The following AMZ2 variants were observed in gnomAD, a reference collection of about 807,000 sequenced individuals.
AMZ2 encodes the protein archaemetzincin-2.
Under a neutral mutation model 36.7 loss-of-function variants are expected in AMZ2, and 26 were observed. That is an observed-to-expected ratio of 0.71 (90% CI 0.52 to 0.98). AMZ2 has a LOEUF of 0.98. Among genes scored for constraint, AMZ2 ranks in the 50% least tolerant of loss-of-function variants. The probability of loss-of-function intolerance (pLI) is 0.00; values close to 1 mark genes in which losing one functional copy is unlikely to be tolerated. For synonymous variants in AMZ2, 144 were observed against 149.1 expected, an observed-to-expected ratio of 0.97 and a Z score of 0.25; for missense variants, 394 against 430.5, an observed-to-expected ratio of 0.92 and a Z score of 0.75.
chr17:68,206,463 A>G, intron 1 of AMZ2: 1 of 203,792 alleles, frequency 4.9e-6, no homozygotes. Context: ...TTTGCAGGCT[A>G]CACTCGCTCG....
chr17:68,225,181 ACT>A (rs2073483282), intron 1 of AMZ2, among the ~76,000 whole-genome samples: 1 of 151,126 alleles, frequency 6.6e-6, no homozygotes, highest in Non-Finnish European at 1.5e-5. Flanking sequence ...GAAAGGTGAC[ACT>A]CTGTCTTAAA....
chr17:68,221,207 G>GCCC (rs1284093591), intron 1 of AMZ2, among the ~76,000 whole-genome samples: 9 of 16,912 alleles, frequency 5.3e-4, no homozygotes, highest in African/African-American at 8.9e-4. Flanking sequence ...TCAGCCCTCA[G>GCCC]CTCCCCCCCC....
chr17:68,220,610 A>C (rs1317345904), intron 1 of AMZ2, among the ~76,000 whole-genome samples: 1 of 152,090 alleles, frequency 6.6e-6, no homozygotes, highest in African/African-American at 2.4e-5. Context: ...TGATCCACTT[A>C]TGGAGTTGAA....
At chr17:68,232,089 T>A (rs2073677502) in intron 1 of AMZ2, among the ~76,000 whole-genome samples, 1 of 146,102 alleles carries the variant, frequency 6.8e-6, no homozygotes, top group Non-Finnish European at 1.5e-5. Flanking sequence ...GAATGTGTTC[T>A]TTAGCAAGAC....
chr17:68,221,222 C>CCCCCCCCCCCCCCA (rs2073356037), intron 1 of AMZ2, among the ~76,000 whole-genome samples: 2 of 85,588 alleles, frequency 2.3e-5, no homozygotes, highest in African/African-American at 4.9e-5. Flanking sequence ...CCCCCCCGCC[C>CCCCCCCCCCCCCCA]CCCCGGTAGC....
intron 1 of AMZ2, among the ~76,000 whole-genome samples, chr17:68,208,523 T>G (rs1419605714): frequency 1.3e-5 from 2 of 152,198 alleles, no homozygotes; most frequent in East Asian, 3.9e-4. Flanking sequence ...AAGAGACCAC[T>G]CGGCTCTCTG....
Position 68,255,797 on chromosome 17 carries a change from G to T in AMZ2, c.848G>T (p.Arg283Leu), listed in dbSNP as rs372712125. ...QGSNHLEEAD[R>L]RPLNLCPICL... is the part of the protein sequence containing the mutation. ...TCCAACCACTTGGAAGAAGCTGACC[G>T]GCGCCCTCTAAACCTTTGCCCTATC... Residue 283 changes from arginine (R) to leucine (L), a missense_variant, in exon 6 of 7, where the codon CGG (arginine) becomes CTG (leucine). Arg to Leu is a moderately radical substitution (Grantham distance 102). Coordinates refer to ENST00000359904, the MANE Select transcript of AMZ2 (RefSeq NM_016627.5). 1.2e-6 allele frequency: 2 copies of T among 1,614,064 alleles called. No homozygotes were observed. The highest frequency in any genetic ancestry group is 8.5e-7 in the Non-Finnish European group (1 of 1,180,032).
At chr17:68,222,397 G>A (rs1227866708) in intron 1 of AMZ2, among the ~76,000 whole-genome samples, 2 of 152,240 alleles carry the variant, frequency 1.3e-5, no homozygotes, top group Admixed American at 1.3e-4. Context: ...TAGGGCAGTG[G>A]TCCCCAACCT....
chr17:68,217,864 G>A (rs1333158499), intron 1 of AMZ2, among the ~76,000 whole-genome samples: 3 of 148,024 alleles, frequency 2.0e-5, no homozygotes, highest in African/African-American at 7.6e-5. Flanking sequence ...CCAGGCTGGA[G>A]TACAGTGACG....
In AMZ2 at chr17:68,235,199, G is replaced by A. The variant is rs2073756984; in HGVS notation, c.-66-13441G>A. On this transcript the variant is annotated intron_variant, in intron 1 of 7. Transcript: ENST00000674770. This position sits in a 1 kb window ranked among gnomAD's most constrained non-coding sequence, Gnocchi z 4.2. ...CCACGAGGATATATCACAAGTACTTGTCTCCAGCGCTGGTTTCTTAGCAAA... is the reference window on the plus strand; with the variant it reads ...CCACGAGGATATATCACAAGTACTTATCTCCAGCGCTGGTTTCTTAGCAAA... Among the ~76,000 whole-genome samples the A allele has an allele frequency of 6.6e-6, 1 of 152,138 alleles. No homozygotes were observed. The highest frequency in any genetic ancestry group is 2.1e-4 in the South Asian group (1 of 4,830).
At chr17:68,229,643 C>G (rs543808965) in intron 1 of AMZ2, among the ~76,000 whole-genome samples, 1 of 152,212 alleles carries the variant, frequency 6.6e-6, no homozygotes, top group Admixed American at 6.5e-5. Flanking sequence ...GGGTGCTGTT[C>G]CCTGTCTGGG....
In AMZ2 at chr17:68,250,280, T is replaced by C; in HGVS notation, c.93T>C (p.Ala31=). 6.2e-7 allele frequency: 1 copy of C among 1,614,186 alleles called. No homozygotes were observed. Among genetic ancestry groups the C allele is most frequent in the Non-Finnish European group, 8.5e-7 (1 of 1,180,044 alleles). ...TATCACAGTATGAGAAATTAAATGC[T>C]GGGGAACAACGTTTAATGAATGAAG... ...VLVSQYEKLN[A]GEQRLMNEAF... The change falls in exon 2 of 7, where the codon GCT becomes GCC. Residue 31 remains alanine (A), a synonymous_variant. Coordinates refer to ENST00000359904, the MANE Select transcript of AMZ2 (RefSeq NM_016627.5).
chr17:68,210,496 G>C (rs781908807), intron 1 of AMZ2, among the ~76,000 whole-genome samples: 5 of 152,234 alleles, frequency 3.3e-5, no homozygotes, highest in Non-Finnish European at 7.3e-5. Flanking sequence ...GGTAAAGACA[G>C]AAAGTAGAAG....
Position 68,250,294 on chromosome 17 carries a change from T to C in AMZ2, c.107T>C (p.Leu36Ser). The C allele has an allele frequency of 6.2e-7, 1 of 1,614,230 alleles. No individual in the cohort carries two copies. Among genetic ancestry groups the C allele is most frequent in the South Asian group, 1.1e-5 (1 of 91,084 alleles). ...YEKLNAGEQR[L>S]MNEAFQPASD... Reference sequence around the variant, plus strand: ...AAATTAAATGCTGGGGAACAACGTTTAATGAATGAAGCCTTCCAGCCAGCC... The same window carrying C: ...AAATTAAATGCTGGGGAACAACGTTCAATGAATGAAGCCTTCCAGCCAGCC... Residue 36 changes from leucine to serine, a missense_variant, in exon 2 of 7, where the codon TTA (leucine) becomes TCA (serine). Coordinates refer to ENST00000359904, the MANE Select transcript of AMZ2 (RefSeq NM_016627.5).
rs766708187 is a variant in AMZ2, at chr17:68,250,437, C to G, written c.250C>G (p.Pro84Ala). ...TGATCCTTACAGAAAGACACCCTCT[C>G]CAAACAAACGCAGCATTTATATACA... ...FSDPYRKTPS[P>A]NKRSIYIQSI... Residue 84 changes from proline (P) to alanine (A), a missense_variant, in exon 2 of 7, where the codon CCA becomes GCA. Transcript: ENST00000359904. 1 of 1,614,134 alleles carries G rather than the reference C, an allele frequency of 6.2e-7. No homozygotes were observed. Among genetic ancestry groups the G allele is most frequent in the Non-Finnish European group, 8.5e-7 (1 of 1,180,042 alleles).
At position 68,255,698 on chromosome 17, in the gene AMZ2, A is replaced by G. The variant is rs2074847244; in HGVS notation, c.751-2A>G. On this transcript the variant is annotated splice_acceptor_variant, in intron 5 of 6. Transcript: ENST00000359904. LOFTEE classifies it high-confidence loss of function. ...TAAAGCCTCAACATGATTGTCTTGC[A>G]GACTTTAACCCATGAGATCGGACAC... The G allele has an allele frequency of 1.2e-6, 2 of 1,612,792 alleles. No homozygotes were observed. Among genetic ancestry groups the G allele is most frequent in the Non-Finnish European group, 1.7e-6 (2 of 1,179,028 alleles).
Position 68,248,102 on chromosome 17 carries a change from G to C in AMZ2, c.-604G>C, listed in dbSNP as rs367809277. ...GCTGCCGCGGGTGGGTGGTATCGAG[G>C]CCTGTCGGGTCAGGGCGGTTCGCGG... On this transcript the variant is annotated 5_prime_UTR_variant, in exon 1 of 7. Coordinates refer to ENST00000359904, the MANE Select transcript of AMZ2 (RefSeq NM_016627.5). The C allele has an allele frequency of 2.0e-6, 2 of 986,420 alleles. No individual in the cohort carries two copies. The allele number at this position is 986,420 out of a possible 1,614,324, so 61.1% of individuals were successfully genotyped here.
chr17:68,241,718 T>C (rs797037933), intron 1 of AMZ2, among the ~76,000 whole-genome samples: 61 of 151,358 alleles, frequency 4.0e-4, no homozygotes, highest in African/African-American at 1.4e-3. Context: ...AATTTTATTA[T>C]TATTATTACT....
exon 1 of AMZ2, chr17:68,206,172 G>C: frequency 7.7e-7 from 1 of 1,306,550 alleles, no homozygotes; most frequent in Non-Finnish European, 9.8e-7. Context: ...GCTGGAAGAC[G>C]ACGACGACGC....
Sources: gnomAD v4.1 joint callset for allele counts (sites outside exome capture counted in the v4.1 genomes callset) on GRCh38, gnomAD v4.1.1 for gene constraint, Gnocchi (gnomAD v3.1) non-coding constraint, MANE v1.5 for transcripts, NCBI Gene and HGNC (gene_info 2026-07-23, HGNC 2026-07-21) for gene names.